Variants in MDN1 observed in about 807,000 individuals in gnomAD.
The protein encoded by MDN1 is midasin AAA ATPase 1, also known as midasin.
Under a neutral mutation model 669.2 loss-of-function variants are expected in MDN1, and 266 were observed. The ratio of observed to expected loss-of-function variants is 0.40; its 90% CI spans 0.36 to 0.44. The LOEUF (loss-of-function observed/expected upper bound fraction) is 0.44, where lower values mean the gene tolerates loss of function less well. Ranked by LOEUF, MDN1 falls within the 20% of genes least tolerant of loss-of-function variation. The pLI is 1.00. For synonymous variants in MDN1, 2,385 were observed against 2,457.1 expected (o/e 0.97, Z 0.87); for missense variants, 5,940 against 6,754.0 (o/e 0.88, Z 4.22).
intron 99 of MDN1, among the ~76,000 whole-genome samples, chr6:89,647,025 G>A (rs181585414): frequency 2.0e-5 from 3 of 152,214 alleles, no homozygotes; most frequent in African/African-American, 4.8e-5. Context: ...GGCCTCAAGC[G>A]GTCCTCACAC....
intron 85 of MDN1, 33 bp from the exon 86 acceptor site, chr6:89,663,000 TC>T: frequency 1.2e-6 from 2 of 1,612,586 alleles, no homozygotes; most frequent in Non-Finnish European, 1.7e-6. Context: ...TAGGCAGATC[TC>T]CAAACTGACC....
intron 6 of MDN1, 25 bp downstream of exon 6, chr6:89,790,134 C>T: frequency 6.2e-7 from 1 of 1,613,536 alleles, no homozygotes; most frequent in Non-Finnish European, 8.5e-7. Flanking sequence ...TGACAAGCCA[C>T]CAAAACTTAA....
intron 17 of MDN1, among the ~76,000 whole-genome samples, chr6:89,760,483 C>CA (rs1277831939): frequency 3.3e-5 from 5 of 151,890 alleles, no homozygotes; most frequent in Non-Finnish European, 4.4e-5. Context: ...CAGGTATTCC[C>CA]AAAAAAAATC....
intron 82 of MDN1, among the ~76,000 whole-genome samples, chr6:89,671,866 C>A (rs958332922): frequency 1.3e-5 from 2 of 152,224 alleles, no homozygotes; most frequent in African/African-American, 4.8e-5. Flanking sequence ...GGTGGTTACA[C>A]AGGATGGCTG....
Position 89,692,726 on chromosome 6 carries a change from A to G in MDN1, c.10304T>C (p.Leu3435Pro), listed in dbSNP as rs1584202937. The G allele has an allele frequency of 6.2e-7, 1 of 1,614,140 alleles. No individual in the cohort carries two copies. Among genetic ancestry groups the G allele is most frequent in the Non-Finnish European group, 8.5e-7 (1 of 1,179,980 alleles). The change falls in exon 63 of 102, where the codon CTG (leucine) becomes CCG (proline). Residue 3435 changes from leucine to proline, a missense_variant. Leu to Pro is a moderately conservative substitution (Grantham distance 98). Coordinates refer to ENST00000369393, the MANE Select transcript of MDN1 (RefSeq NM_014611.3). ...SMVGADRLGT[L>P]ATALLAFPSV... ...TGGGAAAGCCAGCAAGGCTGTGGCCAGGGTCCCCAGCCTGTCTGCACCAAC... is the reference window on the plus strand; with the variant it reads ...TGGGAAAGCCAGCAAGGCTGTGGCCGGGGTCCCCAGCCTGTCTGCACCAAC...
chr6:89,784,626 C>T (rs1212849256), intron 9 of MDN1, among the ~76,000 whole-genome samples: 1 of 152,088 alleles, frequency 6.6e-6, no homozygotes, highest in Non-Finnish European at 1.5e-5. Context: ...CTCATTAATG[C>T]CTAGATCAAA....
chr6:89,682,410 C>A (rs890371167), intron 73 of MDN1, among the ~76,000 whole-genome samples: 6 of 152,128 alleles, frequency 3.9e-5, no homozygotes, highest in Non-Finnish European at 8.8e-5. Flanking sequence ...GGGAGGATCA[C>A]TTAAGACTAA....
Position 89,794,617 on chromosome 6 carries a change from A to G in MDN1, c.514T>C (p.Cys172Arg), listed in dbSNP as rs1819475118. ...TCATGGCTTCTGAGGAGAGGGACAC[A>G]CACACTCCAGTCCCAGAGCTCCCGG... ...VFRELWDWSV[C>R]VPLLRSHDTL... Residue 172 changes from cysteine (C) to arginine (R), a missense_variant, in exon 3 of 102, where the codon TGT (cysteine) becomes CGT (arginine). Physicochemically the swap from Cys to Arg is radical, Grantham distance 180. Coordinates refer to ENST00000369393, the MANE Select transcript of MDN1 (RefSeq NM_014611.3). The G allele has an allele frequency of 6.2e-7, 1 of 1,613,734 alleles. No individual in the cohort carries two copies. Among genetic ancestry groups the G allele is most frequent in the Non-Finnish European group, 8.5e-7 (1 of 1,180,038 alleles).
chr6:89,721,567 A>G (rs1290673313), intron 40 of MDN1, among the ~76,000 whole-genome samples: 2 of 152,152 alleles, frequency 1.3e-5, no homozygotes, highest in Non-Finnish European at 1.5e-5. Flanking sequence ...CAGACCTGTT[A>G]TCCTAAACTA....
rs1584301698 is a variant in MDN1 at position 89,743,595 on chromosome 6, C to A, written c.4298G>T (p.Arg1433Ile). The change falls in exon 30 of 102, where the codon AGA becomes ATA. Residue 1433 changes from arginine (R) to isoleucine (I), a missense_variant. By Grantham distance (97) the Arg-to-Ile change is moderately conservative (BLOSUM62 -3). Coordinates refer to ENST00000369393, the MANE Select transcript of MDN1 (RefSeq NM_014611.3). ...SDFLGGLRPVRQKPNDKEEID... is the reference protein window; with the variant it reads ...SDFLGGLRPVIQKPNDKEEID... ...ACAAACCTTGTCGTTTGGCTTTTGT[C>A]TCACTGGCCGCAGGCCACCCAGGAA... 6.2e-7 allele frequency: 1 copy of A among 1,613,552 alleles called. No individual in the cohort carries two copies. The highest frequency in any genetic ancestry group is 2.2e-5 in the East Asian group (1 of 44,884).
At chr6:89,782,305 T>C (rs1009682251) in intron 9 of MDN1, among the ~76,000 whole-genome samples, 7 of 152,132 alleles carry the variant, frequency 4.6e-5, no homozygotes, top group Admixed American at 4.6e-4. Flanking sequence ...ATGAAAAGCA[T>C]GTAAAAGGAG....
chr6:89,716,578 A>G lies in MDN1; in HGVS notation c.6743+72T>C, dbSNP rs542905235. On this transcript the variant is annotated intron_variant, in intron 44 of 101. Coordinates refer to ENST00000369393, the MANE Select transcript of MDN1 (RefSeq NM_014611.3). ...GTAGCTTCAAAATACCAGCACTTCT[A>G]TCTGGGTTTCTACTTTGACAAGCAT... 1.0e-3 allele frequency: 1,571 copies of G among 1,506,814 alleles called. 20 individuals carry two copies. The highest frequency in any genetic ancestry group is 9.5e-5 in the Non-Finnish European group (106 of 1,121,090). 93.3% of individuals were successfully genotyped at this position (1,506,814 alleles called of 1,614,324 possible). A position where few individuals can be genotyped will look rare whatever the true frequency, so the allele number is the denominator to read the frequency against.
intron 1 of MDN1, among the ~76,000 whole-genome samples, chr6:89,816,571 T>A (rs1768849681): frequency 6.6e-6 from 1 of 151,564 alleles, no homozygotes; most frequent in Non-Finnish European, 1.5e-5. Flanking sequence ...TAAAAAATAA[T>A]AAAAATTTTA....
chr6:89,672,194 A>G lies in MDN1; in HGVS notation c.13794+6T>C. 6.4e-7 allele frequency: 1 copy of G among 1,571,226 alleles called. No homozygotes were observed. The highest frequency in any genetic ancestry group is 8.6e-7 in the Non-Finnish European group (1 of 1,165,332). ...AGGAAGAAGTTTGTAAAGAACAGTT[A>G]GTTACCAGGTGCTTTGCTGCTGTGC... On this transcript the variant is annotated splice_donor_region_variant and intron_variant, in intron 82 of 101. Transcript: ENST00000369393.
Position 89,719,175 on chromosome 6 carries a change from C to T in MDN1, c.6018G>A (p.Met2006Ile), listed in dbSNP as rs1814639115. 1 of 1,613,874 alleles carries T rather than the reference C, an allele frequency of 6.2e-7. No individual in the cohort carries two copies. Among genetic ancestry groups the T allele is most frequent in the Non-Finnish European group, 8.5e-7 (1 of 1,179,796 alleles). The change falls in exon 41 of 102, where the codon ATG becomes ATA. Residue 2006 changes from methionine (M) to isoleucine (I), a missense_variant. By Grantham distance (10) the Met-to-Ile change is conservative. Around this residue, in one of 5 missense-constraint regions of MDN1, gnomAD observed 2,292 missense variants for 2,638.3 expected, o/e 0.87. Transcript: ENST00000369393. Reference sequence around the variant, plus strand: ...GAGTGATACGAAATAGTCTGGTTCCCATGTATGGGTTGGAATTTGAACCAA... The same window carrying T: ...GAGTGATACGAAATAGTCTGGTTCCTATGTATGGGTTGGAATTTGAACCAA... ...DVFGSNSNPY[M>I]GTRLFRITPY...
intron 75 of MDN1, 66 bp downstream of exon 75, chr6:89,678,533 G>A: frequency 6.4e-7 from 1 of 1,551,766 alleles, no homozygotes; most frequent in Non-Finnish European, 8.8e-7. Flanking sequence ...CCCAAAATCA[G>A]TCATGTCATT....
At chr6:89,731,906 T>TAA (rs928484804) in intron 34 of MDN1, among the ~76,000 whole-genome samples, 3 of 139,660 alleles carry the variant, frequency 2.1e-5, no homozygotes, top group South Asian at 2.3e-4. Context: ...TTTCCTTATT[T>TAA]AAAAAAAAAA....
rs142074428 is a variant in MDN1, at chr6:89,743,605, G to A, written c.4288C>T (p.Arg1430Trp). ...METSDFLGGL[R>W]PVRQKPNDKE... ...TCGTTTGGCTTTTGTCTCACTGGCC[G>A]CAGGCCACCCAGGAAGTCTGATGTC... Residue 1430 changes from arginine to tryptophan, a missense_variant, in exon 30 of 102, where the codon CGG (arginine) becomes TGG (tryptophan). Physicochemically the swap from Arg to Trp is moderately radical, Grantham distance 101 (BLOSUM62 -3). This residue lies in a region of MDN1 where 2,292 missense variants were observed against 2,638.3 expected (regional missense o/e 0.87). Transcript: ENST00000369393. 4.0e-5 allele frequency: 64 copies of A among 1,613,730 alleles called. No individual in the cohort carries two copies. Among genetic ancestry groups the A allele is most frequent in the African/African-American group, 1.2e-4 (9 of 74,906 alleles).
chr6:89,784,221 G>T (rs1386967964), intron 9 of MDN1, among the ~76,000 whole-genome samples: 4 of 151,970 alleles, frequency 2.6e-5, no homozygotes, highest in African/African-American at 9.7e-5. Context: ...GGAGGCTAAG[G>T]CATGAGAATT....
Sources: allele counts gnomAD v4.1 joint callset (sites outside exome capture counted in the v4.1 genomes callset), GRCh38; gene constraint gnomAD v4.1.1; regional missense constraint gnomAD v4.1.1; transcripts MANE v1.5; gene names NCBI Gene and HGNC (gene_info 2026-07-23, HGNC 2026-07-21).